The following HTR4 variants were observed in gnomAD, a reference collection of about 807,000 sequenced individuals.
HTR4 encodes 5-hydroxytryptamine receptor 4.
HTR4 carries 16 observed loss-of-function variants against 36.8 expected under a neutral mutation model. The observed-to-expected ratio is 0.43, with a 90% CI of 0.29 to 0.66. The LOEUF (loss-of-function observed/expected upper bound fraction) is 0.66, where lower values mean the gene tolerates loss of function less well. HTR4 is among the 30% of genes least tolerant of loss of function. The probability of loss-of-function intolerance (pLI) is 0.13; values close to 1 mark genes in which losing one functional copy is unlikely to be tolerated. For synonymous variants in HTR4, 189 were observed against 185.1 expected (o/e 1.02, Z -0.17); for missense variants, 438 against 490.9 (o/e 0.89, Z 1.02).
chr5:148,519,398 A>G (rs1231456824), intron 5 of HTR4, among the ~76,000 whole-genome samples: 1 of 152,208 alleles, frequency 6.6e-6, no homozygotes, highest in Non-Finnish European at 1.5e-5. Flanking sequence ...GGGATGGATT[A>G]GGACATTTCT....
intron 6 of HTR4, among the ~76,000 whole-genome samples, chr5:148,502,187 A>G (rs921707777): frequency 6.6e-6 from 1 of 152,158 alleles, no homozygotes; most frequent in Non-Finnish European, 1.5e-5. Flanking sequence ...CTGAGAATGG[A>G]CAGACTGCCT....
chr5:148,615,870 T>C (rs1752662201), intron 2 of HTR4, among the ~76,000 whole-genome samples: 1 of 152,220 alleles, frequency 6.6e-6, no homozygotes, highest in South Asian at 2.1e-4. Context: ...AAATACTTTT[T>C]TGAAAAATGT....
chr5:148,483,295 T>TAG lies in HTR4; in HGVS notation c.1077-4_1077-3dup, dbSNP rs747696908. 1 of 1,611,240 alleles carries TAG rather than the reference T, an allele frequency of 6.2e-7. No individual in the cohort carries two copies. The highest frequency in any genetic ancestry group is 8.5e-7 in the Non-Finnish European group (1 of 1,178,478). ...TGGCCACCACACTCCACTGCATCCC[T>TAG]AGAGAGAGGAGAAGATTACAGAACC... On this transcript the variant is annotated splice_region_variant and splice_polypyrimidine_tract_variant and intron_variant, in intron 6 of 6. Coordinates refer to ENST00000377888, the MANE Select transcript of HTR4 (RefSeq NM_000870.7).
chr5:148,557,800 A>G (rs955356974), intron 2 of HTR4, among the ~76,000 whole-genome samples: 3 of 148,352 alleles, frequency 2.0e-5, no homozygotes, highest in East Asian at 1.9e-4. Context: ...TTAGGAATAT[A>G]TAAATATATA....
At chr5:148,604,960 T>C (rs1752087129) in intron 2 of HTR4, among the ~76,000 whole-genome samples, 1 of 152,202 alleles carries the variant, frequency 6.6e-6, no homozygotes, top group Admixed American at 6.5e-5. Context: ...GCTACCTATA[T>C]ACTAAATGAG....
intron 2 of HTR4, among the ~76,000 whole-genome samples, chr5:148,573,827 G>A (rs998054130): frequency 1.3e-5 from 2 of 151,692 alleles, no homozygotes; most frequent in Admixed American, 1.3e-4. Context: ...AGTTAAAGGA[G>A]TGCAGGTTAA....
At chr5:148,555,972 T>A (rs7727028) in intron 2 of HTR4, among the ~76,000 whole-genome samples, 1,529 of 128,092 alleles carry the variant, frequency 0.012, 18 homozygotes, top group African/African-American at 0.04. Context: ...ACACACACAC[T>A]CTCTCTCTCT....
intron 3 of HTR4, among the ~76,000 whole-genome samples, chr5:148,549,167 T>C (rs554546051): frequency 1.1e-3 from 170 of 152,248 alleles, no homozygotes; most frequent in African/African-American, 4.0e-3. Context: ...CTAATCTGAG[T>C]TTCCCTGCAC....
intron 4 of HTR4, among the ~76,000 whole-genome samples, chr5:148,524,442 A>C (rs1758166093): frequency 6.6e-6 from 1 of 152,166 alleles, no homozygotes; most frequent in South Asian, 2.1e-4. Context: ...CATGGGACAC[A>C]GTGCTCACTA....
intron 5 of HTR4, among the ~76,000 whole-genome samples, 183 bp from the exon 6 acceptor site, chr5:148,510,207 T>G (rs539669479): frequency 6.7e-6 from 1 of 149,526 alleles, no homozygotes; most frequent in Non-Finnish European, 1.5e-5. Context: ...AATAAAAGAG[T>G]AAAGGGGAAA....
chr5:148,599,707 T>C (rs986250668), intron 2 of HTR4, among the ~76,000 whole-genome samples: 2 of 151,904 alleles, frequency 1.3e-5, no homozygotes, highest in African/African-American at 4.8e-5. Flanking sequence ...AAAGGGAAAA[T>C]ATATAAGTAA....
intron 6 of HTR4, among the ~76,000 whole-genome samples, chr5:148,485,418 G>T (rs1191538304): frequency 6.6e-6 from 1 of 152,156 alleles, no homozygotes; most frequent in East Asian, 1.9e-4. Flanking sequence ...TACCACTATG[G>T]ATACAGTATT....
chr5:148,635,481 T>C (rs1018185299), intron 2 of HTR4, among the ~76,000 whole-genome samples: 1 of 152,160 alleles, frequency 6.6e-6, no homozygotes. Context: ...TCCTGCACTA[T>C]TGTTCCACAG....
chr5:148,640,182 A>G (rs1486488646), intron 1 of HTR4, among the ~76,000 whole-genome samples: 2 of 152,170 alleles, frequency 1.3e-5, no homozygotes, highest in African/African-American at 4.8e-5. Flanking sequence ...ACGTCCTCCC[A>G]CTGGAGCAAC....
At chr5:148,650,102 C>G (rs1218500982) in intron 1 of HTR4, among the ~76,000 whole-genome samples, 1 of 151,948 alleles carries the variant, frequency 6.6e-6, no homozygotes, top group Non-Finnish European at 1.5e-5. Flanking sequence ...TACAGGTATG[C>G]AATGTGTAAT....
At chr5:148,590,801 T>C (rs1439516436) in intron 2 of HTR4, among the ~76,000 whole-genome samples, 1 of 149,302 alleles carries the variant, frequency 6.7e-6, no homozygotes, top group South Asian at 2.1e-4. Flanking sequence ...TGTGTATAGT[T>C]TTTTTTTTTC....
chr5:148,485,144 G>A (rs1756089264), intron 6 of HTR4, among the ~76,000 whole-genome samples: 1 of 152,144 alleles, frequency 6.6e-6, no homozygotes, highest in South Asian at 2.1e-4. Flanking sequence ...TGTTATTATT[G>A]TCATTATTAG....
At chr5:148,460,489 T>G (rs531397370) in intron 5 of HTR4, among the ~76,000 whole-genome samples, 1 of 151,744 alleles carries the variant, frequency 6.6e-6, no homozygotes, top group East Asian at 1.9e-4. Flanking sequence ...GTGAAATGTT[T>G]AAAGTGTTGA....
At chr5:148,573,828 T>C (rs1049427518) in intron 2 of HTR4, among the ~76,000 whole-genome samples, 5 of 151,286 alleles carry the variant, frequency 3.3e-5, no homozygotes, top group Admixed American at 6.6e-5. Flanking sequence ...GTTAAAGGAG[T>C]GCAGGTTAAT....
Sources: gnomAD v4.1 joint callset for allele counts (sites outside exome capture counted in the v4.1 genomes callset) on GRCh38, gnomAD v4.1.1 for gene constraint, MANE v1.5 for transcripts, NCBI Gene and HGNC (gene_info 2026-07-23, HGNC 2026-07-21) for gene names.